Variants in NAALADL2 observed in about 807,000 individuals in gnomAD.
The protein encoded by NAALADL2 is N-acetylated alpha-linked acidic dipeptidase like 2, also known as inactive N-acetylated-alpha-linked acidic dipeptidase-like protein 2.
In NAALADL2, 76 loss-of-function variants were observed where a neutral mutation model predicts 87.2. The ratio of observed to expected loss-of-function variants is 0.87; its 90% confidence interval spans 0.72 to 1.05. NAALADL2 has a LOEUF of 1.05. Ranked by LOEUF, NAALADL2 falls within the 50% of genes least tolerant of loss-of-function variation. NAALADL2 has a pLI of 0.00. For synonymous variants in NAALADL2, 354 were observed against 331.0 expected, an observed-to-expected ratio of 1.07 and a Z score of -0.75; for missense variants, 1,089 against 945.8, an observed-to-expected ratio of 1.15 and a Z score of -1.99.
intron 1 of NAALADL2, among the ~76,000 whole-genome samples, chr3:174,939,356 A>T (rs776234542): frequency 1.6e-4 from 24 of 151,916 alleles, no homozygotes; most frequent in Non-Finnish European, 2.8e-4. Flanking sequence ...ATTTTGTTCC[A>T]TTGGTCCATG....
At chr3:175,322,137 G>C (rs2110408423) in intron 4 of NAALADL2, among the ~76,000 whole-genome samples, 1 of 150,936 alleles carries the variant, frequency 6.6e-6, no homozygotes, top group South Asian at 2.1e-4. Flanking sequence ...TACCAAAACA[G>C]AGATACAGAT....
chr3:175,608,219 T>C (rs952808955), intron 10 of NAALADL2, among the ~76,000 whole-genome samples: 2 of 148,100 alleles, frequency 1.4e-5, no homozygotes, highest in Non-Finnish European at 3.0e-5. Context: ...TAGCCCATAG[T>C]CCACAATCTG....
chr3:174,533,681 A>G (rs1173420511), intron 1 of NAALADL2, among the ~76,000 whole-genome samples: 2 of 152,014 alleles, frequency 1.3e-5, no homozygotes, highest in African/African-American at 4.8e-5. Context: ...CATAGCGATT[A>G]CAGTGTATGT....
At chr3:174,455,896 A>G (rs963065002) in intron 1 of NAALADL2, among the ~76,000 whole-genome samples, 4 of 152,150 alleles carry the variant, frequency 2.6e-5, no homozygotes, top group African/African-American at 9.7e-5. Context: ...AGAAAGAAAA[A>G]AAGGGCATCC....
chr3:175,484,491 T>C (rs774498505), intron 9 of NAALADL2, among the ~76,000 whole-genome samples: 85 of 152,128 alleles, frequency 5.6e-4, no homozygotes, highest in Admixed American at 5.6e-3. Flanking sequence ...TTGCCATTAA[T>C]TCTAAGAAAA....
rs140950197 is a variant in NAALADL2, at chr3:174,653,607, G to A, written c.-114-84034G>A. On this transcript the variant is annotated intron_variant, in intron 2 of 3. Transcript: ENST00000434257. ...CAGAGGTAATTTTTGTAGTGGTAGTGCAAGGTAAGGTTTTAGTGGAAGTAG... is the reference window on the plus strand; with the variant it reads ...CAGAGGTAATTTTTGTAGTGGTAGTACAAGGTAAGGTTTTAGTGGAAGTAG... 4.0e-4 allele frequency among the ~76,000 whole-genome samples: 61 copies of A among 152,196 alleles called. 1 individual carries two copies. Among genetic ancestry groups the A allele is most frequent in the Non-Finnish European group, 7.5e-4 (51 of 67,996 alleles).
In NAALADL2 at chr3:175,518,643, T is replaced by TG. The variant is rs576570177; in HGVS notation, c.1653+46890dup. Among the ~76,000 whole-genome samples the TG allele has an allele frequency of 2.4e-3, 370 of 152,252 alleles. 4 individuals are homozygous for TG. Among genetic ancestry groups the TG allele is most frequent in the African/African-American group, 8.1e-3 (335 of 41,548 alleles). ...AGGTGGTACAGGGCATCACATGGTGTGGGGGTCAAACACGCTAGTTCAGGT... is the reference window on the plus strand; with the variant it reads ...AGGTGGTACAGGGCATCACATGGTGTGGGGGGTCAAACACGCTAGTTCAGGT... On this transcript the variant is annotated intron_variant, in intron 9 of 13. Transcript: ENST00000454872.
At chr3:174,607,192 G>A (rs1350585166) in intron 2 of NAALADL2, among the ~76,000 whole-genome samples, 8 of 151,792 alleles carry the variant, frequency 5.3e-5, no homozygotes, top group Non-Finnish European at 1.5e-5. Context: ...GGAACAACTG[G>A]TACCAGCCGC....
At chr3:175,370,503 G>T (rs892674203) in intron 5 of NAALADL2, among the ~76,000 whole-genome samples, 9 of 151,928 alleles carry the variant, frequency 5.9e-5, no homozygotes, top group Admixed American at 2.0e-4. Flanking sequence ...AATATATGGG[G>T]GGGGGAGGGA....
chr3:175,622,645 G>A (rs1407291643), intron 10 of NAALADL2, among the ~76,000 whole-genome samples: 1 of 152,050 alleles, frequency 6.6e-6, no homozygotes, highest in Admixed American at 6.6e-5. Context: ...CTGAATTTCA[G>A]TCTTCTCATC....
intron 2 of NAALADL2, among the ~76,000 whole-genome samples, chr3:175,208,558 T>C (rs926645731): frequency 2.0e-5 from 3 of 152,270 alleles, no homozygotes; most frequent in East Asian, 1.9e-4. Flanking sequence ...GAGTCAACTC[T>C]GTTACGAAGT....
rs9852649 is a variant in NAALADL2, at chr3:174,649,413, T to A, written c.-114-88228T>A. The stretch of plus-strand genomic sequence containing the variant: ...GTTATATAAAATACATATATATACG[T>A]TTATATTATATACTTTTCCATTACA... On this transcript the variant is annotated intron_variant, in intron 2 of 3. Transcript: ENST00000434257. Among the ~76,000 whole-genome samples the A allele has an allele frequency of 7.5e-3, 1,147 of 152,252 alleles. 13 individuals carry two copies. The highest frequency in any genetic ancestry group is 0.026 in the African/African-American group (1,083 of 41,556).
intron 10 of NAALADL2, among the ~76,000 whole-genome samples, chr3:175,624,550 T>C (rs551209418): frequency 2.6e-5 from 4 of 152,140 alleles, no homozygotes; most frequent in Non-Finnish European, 5.9e-5. Flanking sequence ...TATTATTTCT[T>C]TGTAGTTGTC....
At chr3:175,557,303 A>C (rs1410644291) in intron 9 of NAALADL2, among the ~76,000 whole-genome samples, 2 of 152,136 alleles carry the variant, frequency 1.3e-5, no homozygotes, top group African/African-American at 4.8e-5. Flanking sequence ...TATGGGTTAC[A>C]TGAGATATTT....
At chr3:175,273,734 G>A (rs1416961829) in intron 4 of NAALADL2, among the ~76,000 whole-genome samples, 2 of 99,386 alleles carry the variant, frequency 2.0e-5, no homozygotes, top group South Asian at 3.1e-4. Context: ...GTGTGTGTGC[G>A]TGTGTGTGTG....
intron 1 of NAALADL2, among the ~76,000 whole-genome samples, chr3:174,505,994 C>T (rs998638633): frequency 4.6e-5 from 7 of 152,030 alleles, no homozygotes; most frequent in African/African-American, 7.2e-5. Flanking sequence ...TGTATCTCTG[C>T]GTGTGCAAGC....
chr3:174,541,113 C>G (rs1030267884), intron 1 of NAALADL2, among the ~76,000 whole-genome samples: 7 of 152,300 alleles, frequency 4.6e-5, no homozygotes, highest in Admixed American at 3.3e-4. Context: ...TAACTCCAAA[C>G]TCTTAAACTG....
At chr3:175,796,202 C>A (rs1398607673) in intron 13 of NAALADL2, among the ~76,000 whole-genome samples, 1 of 151,890 alleles carries the variant, frequency 6.6e-6, no homozygotes, top group Non-Finnish European at 1.5e-5. Flanking sequence ...AAGCAGCATA[C>A]AGGAGATTTT....
chr3:174,850,697 T>C (rs908876648), intron 3 of NAALADL2, among the ~76,000 whole-genome samples: 2 of 152,118 alleles, frequency 1.3e-5, no homozygotes, highest in South Asian at 2.1e-4. Flanking sequence ...TTTTCAGCAC[T>C]GGACATATCA....
Sources: allele counts gnomAD v4.1 joint callset (sites outside exome capture counted in the v4.1 genomes callset), GRCh38; gene constraint gnomAD v4.1.1; transcripts MANE v1.5; gene names NCBI Gene and HGNC (gene_info 2026-07-23, HGNC 2026-07-21).